Variants in C12orf60 observed in about 807,000 individuals in gnomAD.
C12orf60 encodes chromosome 12 open reading frame 60.
For missense variants in C12orf60, 284 were observed against 283.2 expected (o/e 1.00, Z -0.02); for synonymous variants, 102 against 94.6 (o/e 1.08, Z -0.45).
chr12:14,807,366 A>G (rs1950069023), intron 1 of C12orf60, among the ~76,000 whole-genome samples: 1 of 152,246 alleles, frequency 6.6e-6, no homozygotes, highest in African/African-American at 2.4e-5. Flanking sequence ...GCTCTTGATT[A>G]CTAGTGCTCC....
chr12:14,810,786 T>C (rs567935683), intron 1 of C12orf60, among the ~76,000 whole-genome samples: 2 of 152,314 alleles, frequency 1.3e-5, no homozygotes, highest in South Asian at 2.1e-4. Flanking sequence ...TGGAGAACCA[T>C]AGTTGGCAGT....
chr12:14,817,841 TA>T (rs1345886173), intron 1 of C12orf60, among the ~76,000 whole-genome samples: 10 of 152,176 alleles, frequency 6.6e-5, no homozygotes, highest in Admixed American at 6.5e-4. Context: ...TTTGGGTATA[TA>T]CCCAATAATG....
intron 1 of C12orf60, among the ~76,000 whole-genome samples, chr12:14,809,132 C>G (rs1188072005): frequency 6.6e-6 from 1 of 152,048 alleles, no homozygotes; most frequent in Non-Finnish European, 1.5e-5. Context: ...TGAAAAAGTT[C>G]AAAATATCTC....
At position 14,814,662 on chromosome 12, in the gene C12orf60, T is replaced by C. The variant is rs1013335793; in HGVS notation, c.-24-8250T>C. 1.4e-4 allele frequency among the ~76,000 whole-genome samples: 21 copies of C among 152,344 alleles called. No homozygotes were observed. The East Asian group carries it at 3.5e-3, about 25-fold the overall frequency. On this transcript the variant is annotated intron_variant, in intron 1 of 1. Transcript: ENST00000330828. The stretch of plus-strand genomic sequence containing the variant: ...TCTTCTTTCCAGCTAGGAGTTCTCC[T>C]CTTTGTCATTCTTTCTCTTCCTGTG...
At chr12:14,816,241 G>A (rs370961937) in intron 1 of C12orf60, among the ~76,000 whole-genome samples, 2 of 152,022 alleles carry the variant, frequency 1.3e-5, no homozygotes, top group African/African-American at 2.4e-5. Flanking sequence ...GAGAGTGAAA[G>A]CAATAATATC....
At position 14,823,068 on chromosome 12, in the gene C12orf60, A is replaced by G. The variant is rs773986706; in HGVS notation, c.133A>G (p.Ile45Val). 6 of 1,614,040 alleles carry G rather than the reference A, an allele frequency of 3.7e-6. No individual in the cohort carries two copies. Among genetic ancestry groups the G allele is most frequent in the Middle Eastern group, 1.6e-4 (1 of 6,082 alleles). The part of the protein sequence containing the change: ...ELFSRSMNTQ[I>V]LLMAVKNNSY... ...GTTTAGCCGCAGTATGAATACTCAA[A>G]TCCTTTTGATGGCTGTGAAAAACAA... The change falls in exon 2 of 2, where the codon ATC (isoleucine) becomes GTC (valine). Residue 45 changes from isoleucine (I) to valine (V), a missense_variant. Ile to Val is a conservative substitution (Grantham distance 29). Coordinates refer to ENST00000330828, the MANE Select transcript of C12orf60 (RefSeq NM_175874.4).
chr12:14,820,494 C>T (rs756716878), intron 1 of C12orf60, among the ~76,000 whole-genome samples: 4 of 152,026 alleles, frequency 2.6e-5, no homozygotes, highest in Non-Finnish European at 5.9e-5. Context: ...TCTCTCTAAA[C>T]ACTGCTTTGG....
intron 1 of C12orf60, chr12:14,806,161 T>G: frequency 1.9e-6 from 3 of 1,614,098 alleles, no homozygotes; most frequent in Non-Finnish European, 2.5e-6. Flanking sequence ...CGGACAATCA[T>G]ATCTATGCCA....
At chr12:14,812,954 T>A (rs1022272423) in intron 1 of C12orf60, among the ~76,000 whole-genome samples, 8 of 152,128 alleles carry the variant, frequency 5.3e-5, no homozygotes, top group African/African-American at 1.7e-4. Flanking sequence ...AAAAGAGAAG[T>A]TCTTGCCTAT....
intron 1 of C12orf60, chr12:14,805,085 C>CTAAT (rs1316261578): frequency 6.6e-6 from 1 of 152,062 alleles, no homozygotes; most frequent in Non-Finnish European, 1.5e-5. Context: ...AATGGCCCAC[C>CTAAT]TAATGCGTCA....
chr12:14,809,204 C>T (rs1950099718), intron 1 of C12orf60, among the ~76,000 whole-genome samples: 1 of 152,168 alleles, frequency 6.6e-6, no homozygotes, highest in South Asian at 2.1e-4. Context: ...GTGGTTCTGT[C>T]TACCTCAAGA....
intron 1 of C12orf60, among the ~76,000 whole-genome samples, chr12:14,808,452 G>A (rs1362159455): frequency 6.6e-6 from 1 of 152,016 alleles, no homozygotes; most frequent in Non-Finnish European, 1.5e-5. Flanking sequence ...ATCTGGCACA[G>A]CCTCTTTTTG....
intron 1 of C12orf60, among the ~76,000 whole-genome samples, chr12:14,809,246 G>A (rs140965275): frequency 0.013 from 1,968 of 152,308 alleles, 26 homozygotes; most frequent in African/African-American, 0.044. Context: ...CTTCCTCCTG[G>A]ATGGGAGGCA....
At chr12:14,820,266 C>A (rs1005241660) in intron 1 of C12orf60, among the ~76,000 whole-genome samples, 6 of 151,962 alleles carry the variant, frequency 3.9e-5, no homozygotes, top group African/African-American at 1.2e-4. Context: ...TCTGGTCAAT[C>A]TGGCTTAAAG....
At chr12:14,805,944 C>G in intron 1 of C12orf60, 2 of 1,485,770 alleles carry the variant, frequency 1.3e-6, no homozygotes, top group Middle Eastern at 1.8e-4. Context: ...ATCAAAGAAG[C>G]AAACACTGTT....
intron 1 of C12orf60, among the ~76,000 whole-genome samples, chr12:14,820,236 G>T (rs1353154337): frequency 1.3e-5 from 2 of 151,814 alleles, no homozygotes; most frequent in Non-Finnish European, 2.9e-5. Flanking sequence ...TTGGTAATTT[G>T]TGTTCTCTCT....
At chr12:14,818,750 G>C (rs148909527) in intron 1 of C12orf60, among the ~76,000 whole-genome samples, 8 of 152,190 alleles carry the variant, frequency 5.3e-5, no homozygotes, top group African/African-American at 1.9e-4. Flanking sequence ...GTCACTGCAC[G>C]CCAGCCTGGT....
chr12:14,806,639 C>G (rs750630915), intron 1 of C12orf60: 7 of 1,610,524 alleles, frequency 4.3e-6, no homozygotes, highest in African/African-American at 1.3e-5. Flanking sequence ...CTTCTTCCCG[C>G]CTTTTTGGGT....
chr12:14,814,264 T>A (rs1009958816), intron 1 of C12orf60: 6 of 152,234 alleles, frequency 3.9e-5, no homozygotes, highest in African/African-American at 1.4e-4. Context: ...TGGGTCCCTC[T>A]GCCTGTCTGG....
Sources: gnomAD v4.1 joint callset for allele counts (sites outside exome capture counted in the v4.1 genomes callset) on GRCh38, gnomAD v4.1.1 for gene constraint, MANE v1.5 for transcripts, NCBI Gene and HGNC (gene_info 2026-07-23, HGNC 2026-07-21) for gene names.